Variants in TMEM145 observed in about 807,000 individuals in gnomAD.
The protein encoded by TMEM145 is transmembrane protein 145.
A neutral mutation model predicts 68.5 loss-of-function variants in TMEM145; 46 were observed. The ratio of observed to expected loss-of-function variants is 0.67; its 90% confidence interval spans 0.53 to 0.86. The LOEUF (loss-of-function observed/expected upper bound fraction) is 0.86, where lower values mean the gene tolerates loss of function less well. Ranked by LOEUF, TMEM145 falls within the 40% of genes least tolerant of loss-of-function variation. The pLI is 0.00. For missense variants in TMEM145, 570 were observed against 645.8 expected (o/e 0.88, Z 1.27); for synonymous variants, 255 against 280.2 (o/e 0.91, Z 0.90).
intron 13 of TMEM145, chr19:42,321,058 T>C (rs1294159966): frequency 2.5e-6 from 1 of 398,748 alleles, no homozygotes; most frequent in Non-Finnish European, 4.4e-6. Context: ...CTTCCATTTC[T>C]CTTTTGTATC....
chr19:42,314,203 G>T (rs1174653428), intron 1 of TMEM145, 69 bp from the exon 2 acceptor site: 2 of 1,575,184 alleles, frequency 1.3e-6, no homozygotes, highest in Non-Finnish European at 1.7e-6. Flanking sequence ...GGGAAGAAAA[G>T]TTGGGGGTCT....
At position 42,316,980 on chromosome 19, in the gene TMEM145, C is replaced by A. The variant is rs1166037331; in HGVS notation, c.900+17C>A. On this transcript the variant is annotated intron_variant, in intron 11 of 14. Coordinates refer to ENST00000301204, the MANE Select transcript of TMEM145 (RefSeq NM_173633.3). Reference sequence around the variant, plus strand: ...GAGGCGGAAGTGAGTCCGACTGGCCCCTGGCCGGGCCCTGCCTTCCCCTGC... The same window carrying A: ...GAGGCGGAAGTGAGTCCGACTGGCCACTGGCCGGGCCCTGCCTTCCCCTGC... 6.8e-6 allele frequency: 11 copies of A among 1,608,286 alleles called. No homozygotes were observed. The highest frequency in any genetic ancestry group is 3.3e-5 in the South Asian group (3 of 90,434).
At chr19:42,322,706 A>T (rs555413676) in intron 13 of TMEM145, among the ~76,000 whole-genome samples, 33 of 150,660 alleles carry the variant, frequency 2.2e-4, no homozygotes, top group African/African-American at 7.8e-4. Flanking sequence ...TATTTATTTT[A>T]AATTTTTTTT....
In TMEM145 at chr19:42,324,736, G is replaced by GC; in HGVS notation, c.1405dup (p.Leu469ProfsTer15). 1 of 1,523,104 alleles carries GC rather than the reference G, an allele frequency of 6.6e-7. No individual in the cohort carries two copies. Among genetic ancestry groups the GC allele is most frequent in the Non-Finnish European group, 8.7e-7 (1 of 1,148,606 alleles). 94.3% of individuals were successfully genotyped at this position (1,523,104 alleles called of 1,614,324 possible). A position where few individuals can be genotyped will look rare whatever the true frequency, so the allele number is the denominator to read the frequency against. On this transcript the variant is annotated frameshift_variant and splice_region_variant. Coordinates refer to ENST00000301204, the MANE Select transcript of TMEM145 (RefSeq NM_173633.3). LOFTEE classifies it high-confidence loss of function. ...GCCGCTCTCCCCGTCCCCTCCCTCA[G>GC]CCCCTGCCCCGAGCGGCGCCGGATT...
chr19:42,317,046 G>A, intron 11 of TMEM145, 83 bp downstream of exon 11: 1 of 1,189,426 alleles, frequency 8.4e-7, no homozygotes, highest in Non-Finnish European at 1.2e-6. Context: ...GCTCGCCCTT[G>A]CCCACATCCT....
In TMEM145 at chr19:42,314,603, C is replaced by T; in HGVS notation, c.274-10C>T. The T allele has an allele frequency of 3.1e-6, 5 of 1,614,170 alleles. No homozygotes were observed. Among genetic ancestry groups the T allele is most frequent in the Non-Finnish European group, 4.2e-6 (5 of 1,180,020 alleles). ...GGCCGGGGGAGTGACCCTGTCCCTG[C>T]CTTCCCCAGGACTGCCTGGCCAAGG... On this transcript the variant is annotated splice_polypyrimidine_tract_variant and intron_variant, in intron 3 of 14. Coordinates refer to ENST00000301204, the MANE Select transcript of TMEM145 (RefSeq NM_173633.3).
rs2038820979 is a variant in TMEM145, at chr19:42,313,364, C to G, written c.-13C>G. On this transcript the variant is annotated 5_prime_UTR_variant, in exon 1 of 15. Coordinates refer to ENST00000301204, the MANE Select transcript of TMEM145 (RefSeq NM_173633.3). This position sits in a 1 kb window ranked among gnomAD's most constrained non-coding sequence, Gnocchi z 5.1. Reference sequence around the variant, plus strand: ...GCGGGAGCCGGAGCGGAGCCGGGGCCGGAGCGGGCGGAATGGAGCCCCTGC... The same window carrying G: ...GCGGGAGCCGGAGCGGAGCCGGGGCGGGAGCGGGCGGAATGGAGCCCCTGC... 5 of 1,083,846 alleles carry G rather than the reference C, an allele frequency of 4.6e-6. No individual in the cohort carries two copies. Among genetic ancestry groups the G allele is most frequent in the Non-Finnish European group, 6.0e-6 (5 of 836,236 alleles). The allele number at this position is 1,083,846 out of a possible 1,614,324, so 67.1% of individuals were successfully genotyped here.
intron 4 of TMEM145, 31 bp downstream of exon 4, chr19:42,314,730 T>C (rs2038837418): frequency 1.2e-6 from 2 of 1,613,922 alleles, no homozygotes; most frequent in Non-Finnish European, 1.7e-6. Context: ...AGTGGGCAGG[T>C]GCTGAAGGAT....
At position 42,317,766 on chromosome 19, in the gene TMEM145, A is replaced by C; in HGVS notation, c.958A>C (p.Ile320Leu). ...TYESPAGYGL[I>L]GLQVAAYVWF... ...TGAGTCGCCGGCCGGCTACGGGCTCATTGGACTGCAGGTGGCGGCCTACGT... is the reference window on the plus strand; with the variant it reads ...TGAGTCGCCGGCCGGCTACGGGCTCCTTGGACTGCAGGTGGCGGCCTACGT... The change falls in exon 12 of 15, where the codon ATT becomes CTT. Residue 320 changes from isoleucine (I) to leucine (L), a missense_variant. By Grantham distance (5) the Ile-to-Leu change is conservative. Coordinates refer to ENST00000301204, the MANE Select transcript of TMEM145 (RefSeq NM_173633.3). The C allele has an allele frequency of 1.2e-6, 2 of 1,614,160 alleles. No individual in the cohort carries two copies. The highest frequency in any genetic ancestry group is 1.7e-6 in the Non-Finnish European group (2 of 1,180,028).
At chr19:42,314,121 G>A (rs1170852113) in intron 1 of TMEM145, 151 bp from the exon 2 acceptor site, 3 of 762,454 alleles carry the variant, frequency 3.9e-6, no homozygotes, top group Admixed American at 2.2e-5. Context: ...CCACAGTGAC[G>A]GGATCAGGGA....
intron 8 of TMEM145, among the ~76,000 whole-genome samples, chr19:42,316,058 A>G (rs1367814958): frequency 6.7e-6 from 1 of 150,162 alleles, no homozygotes; most frequent in Non-Finnish European, 1.5e-5. Context: ...AAACAAAACA[A>G]TAAAGGCCTG....
intron 13 of TMEM145, among the ~76,000 whole-genome samples, chr19:42,321,953 A>G (rs1372514882): frequency 1.3e-5 from 2 of 152,190 alleles, no homozygotes; most frequent in Non-Finnish European, 2.9e-5. Flanking sequence ...GTGACGTGCC[A>G]GGGCTCCGTG....
At chr19:42,316,082 G>C (rs1003750052) in intron 8 of TMEM145, among the ~76,000 whole-genome samples, 3 of 151,956 alleles carry the variant, frequency 2.0e-5, no homozygotes, top group Non-Finnish European at 4.4e-5. Context: ...TCCTGAGTCT[G>C]GGGGAGGAGG....
At chr19:42,324,297 AGACAGCGGTGGC>A in intron 14 of TMEM145, 1 of 984,872 alleles carries the variant, frequency 1.0e-6, no homozygotes, top group Non-Finnish European at 1.2e-6. Flanking sequence ...CAGGTGGAGG[AGACAGCGGTGGC>A]GGCGGCGGTG....
chr19:42,319,285 C>G (rs1568548470), intron 12 of TMEM145, among the ~76,000 whole-genome samples: 1 of 152,138 alleles, frequency 6.6e-6, no homozygotes, highest in Non-Finnish European at 1.5e-5. Context: ...GTTTCCTCAC[C>G]TTTTAATGGG....
At chr19:42,315,291 G>A (rs1175492353) in intron 7 of TMEM145, 32 bp downstream of exon 7, 1 of 1,613,602 alleles carries the variant, frequency 6.2e-7, no homozygotes, top group South Asian at 1.1e-5. Context: ...TGGGGGAAGA[G>A]ATAGGAGGGA....
intron 12 of TMEM145, among the ~76,000 whole-genome samples, chr19:42,320,041 G>C (rs2038896893): frequency 6.6e-6 from 1 of 151,950 alleles, no homozygotes; most frequent in African/African-American, 2.4e-5. Flanking sequence ...TTATAGGCGT[G>C]AGCCACCGTG....
At position 42,316,469 on chromosome 19, in the gene TMEM145, TC is replaced by T. The variant is rs750418702; in HGVS notation, c.647-10del. The T allele has an allele frequency of 2.5e-6, 4 of 1,613,506 alleles. No homozygotes were observed. The highest frequency in any genetic ancestry group is 1.3e-5 in the African/African-American group (1 of 74,904). ...CTTTCTATCCTTTCTTATCTGCCCATCCTCCCCTCAGTCCTGAGCCTCCTAT... is the reference window on the plus strand; with the variant it reads ...CTTTCTATCCTTTCTTATCTGCCCATCTCCCCTCAGTCCTGAGCCTCCTAT... On this transcript the variant is annotated splice_polypyrimidine_tract_variant and intron_variant, in intron 8 of 14. Transcript: ENST00000301204.
At chr19:42,321,025 T>A in intron 13 of TMEM145, 1 of 399,054 alleles carries the variant, frequency 2.5e-6, no homozygotes, top group Non-Finnish European at 4.4e-6. Flanking sequence ...CCATTTCCAT[T>A]CCTGACCCTG....
Sources: allele counts gnomAD v4.1 joint callset (sites outside exome capture counted in the v4.1 genomes callset), GRCh38; gene constraint gnomAD v4.1.1; non-coding constraint Gnocchi (gnomAD v3.1); transcripts MANE v1.5; gene names NCBI Gene and HGNC (gene_info 2026-07-23, HGNC 2026-07-21).